PRORP: variants seen among roughly 807,000 people sequenced by gnomAD.
PRORP encodes the protein mitochondrial ribonuclease P catalytic subunit.
A neutral mutation model predicts 59.4 loss-of-function variants in PRORP; 51 were observed. The observed-to-expected ratio is 0.86, with a 90% CI of 0.69 to 1.08. The LOEUF (loss-of-function observed/expected upper bound fraction) is 1.08, where lower values mean the gene tolerates loss of function less well. Among genes scored for constraint, PRORP ranks in the 50% least tolerant of loss-of-function variants. The pLI is 0.00. For missense variants in PRORP, 646 were observed against 690.3 expected (o/e 0.94, Z 0.72); for synonymous variants, 231 against 245.6 (o/e 0.94, Z 0.55).
At chr14:35,248,454 A>G (rs1180290573) in intron 5 of PRORP, among the ~76,000 whole-genome samples, 1 of 152,170 alleles carries the variant, frequency 6.6e-6, no homozygotes, top group Admixed American at 6.5e-5. Flanking sequence ...TCTCATTTTC[A>G]TCAAGTGCTA....
intron 5 of PRORP, among the ~76,000 whole-genome samples, chr14:35,260,820 A>T (rs1453350485): frequency 6.6e-6 from 1 of 152,172 alleles, no homozygotes; most frequent in African/African-American, 2.4e-5. Flanking sequence ...TTCTTAGCCC[A>T]GTTTTTTAGA....
intron 5 of PRORP, among the ~76,000 whole-genome samples, chr14:35,210,661 T>A (rs976125106): frequency 6.7e-6 from 1 of 149,994 alleles, no homozygotes; most frequent in Admixed American, 6.8e-5. Context: ...ATTTAGATAC[T>A]AGATAAATAA....
intron 5 of PRORP, among the ~76,000 whole-genome samples, chr14:35,184,274 G>A (rs920135829): frequency 7.2e-5 from 11 of 152,004 alleles, no homozygotes; most frequent in African/African-American, 2.7e-4. Context: ...AAAAAAGAAA[G>A]TTCTAGTTGT....
chr14:35,233,964 C>G (rs1237066224), intron 5 of PRORP, among the ~76,000 whole-genome samples: 1 of 152,172 alleles, frequency 6.6e-6, no homozygotes, highest in African/African-American at 2.4e-5. Context: ...TGACTCTGCT[C>G]AGTCCTCTTA....
intron 4 of PRORP, among the ~76,000 whole-genome samples, chr14:35,173,740 T>C (rs1372680073): frequency 6.6e-6 from 1 of 152,122 alleles, no homozygotes; most frequent in Non-Finnish European, 1.5e-5. Flanking sequence ...TTCCCAAATA[T>C]AGTGGCTTTA....
chr14:35,242,537 G>A (rs2050392908), intron 5 of PRORP, among the ~76,000 whole-genome samples: 1 of 152,164 alleles, frequency 6.6e-6, no homozygotes, highest in South Asian at 2.1e-4. Context: ...TTCCCCAGAA[G>A]AGACCACTGA....
intron 4 of PRORP, among the ~76,000 whole-genome samples, chr14:35,135,957 C>CAA (rs112374315): frequency 2.9e-3 from 265 of 91,670 alleles, no homozygotes; most frequent in African/African-American, 8.6e-3. Context: ...GACTCTGTCT[C>CAA]AAAAAAAAAA....
chr14:35,182,641 C>T (rs1239957134), intron 5 of PRORP, among the ~76,000 whole-genome samples: 1 of 151,742 alleles, frequency 6.6e-6, no homozygotes, highest in Admixed American at 6.6e-5. Flanking sequence ...TGAGACTCCT[C>T]GAAAACAAAA....
chr14:35,237,189 C>T lies in PRORP; in HGVS notation c.1276-29538C>T, dbSNP rs548958220. Among the ~76,000 whole-genome samples, 3 of 151,916 alleles carry T rather than the reference C, an allele frequency of 2.0e-5. No individual in the cohort carries two copies. The South Asian group carries it at 6.2e-4, about 32-fold the overall frequency. On this transcript the variant is annotated intron_variant, in intron 5 of 7. Coordinates refer to ENST00000534898, the MANE Select transcript of PRORP (RefSeq NM_014672.4). The stretch of plus-strand genomic sequence containing the variant: ...CTCACTGCAGCCTTGACCTCCTAGG[C>T]TGAAATGATCCTCCTGCCTCTGCAT...
intron 5 of PRORP, among the ~76,000 whole-genome samples, chr14:35,210,595 A>G (rs1222089608): frequency 1.3e-5 from 2 of 151,584 alleles, no homozygotes; most frequent in Non-Finnish European, 2.9e-5. Flanking sequence ...GTTGATAAGT[A>G]TCAGTTATCT....
chr14:35,201,917 C>T (rs1007321484), intron 5 of PRORP, among the ~76,000 whole-genome samples: 3 of 151,414 alleles, frequency 2.0e-5, no homozygotes, highest in African/African-American at 7.3e-5. Flanking sequence ...TTGGGCCTCC[C>T]AAGGTGCTGG....
chr14:35,160,866 T>G (rs937973360), intron 4 of PRORP, among the ~76,000 whole-genome samples: 16 of 152,226 alleles, frequency 1.1e-4, no homozygotes, highest in Admixed American at 3.9e-4. Context: ...AAAAACATGA[T>G]TTATGAACCA....
chr14:35,239,747 C>T (rs1200901913), intron 5 of PRORP, among the ~76,000 whole-genome samples: 1 of 152,106 alleles, frequency 6.6e-6, no homozygotes, highest in Non-Finnish European at 1.5e-5. Flanking sequence ...CTAAAGAAAA[C>T]CAAGGGTCTT....
At chr14:35,129,810 G>A (rs2047192454) in intron 4 of PRORP, among the ~76,000 whole-genome samples, 1 of 151,972 alleles carries the variant, frequency 6.6e-6, no homozygotes, top group East Asian at 1.9e-4. Flanking sequence ...GTTACCATGA[G>A]GCTCACTAAT....
rs58879349 is a variant in PRORP, at chr14:35,183,494, G to C, written c.1275+2717G>C. 1.2e-3 allele frequency among the ~76,000 whole-genome samples: 189 copies of C among 152,076 alleles called. 5 individuals carry two copies. The East Asian group carries it at 0.03, about 24-fold the overall frequency. On this transcript the variant is annotated intron_variant, in intron 5 of 7. Transcript: ENST00000534898. Reference sequence around the variant, plus strand: ...ACAATAATTTTTAAATCATTTACCTGTTGTTAGACAAATGAGGCTTTCCAT... The same window carrying C: ...ACAATAATTTTTAAATCATTTACCTCTTGTTAGACAAATGAGGCTTTCCAT...
At position 35,242,674 on chromosome 14, in the gene PRORP, A is replaced by G. The variant is rs80155994; in HGVS notation, c.1276-24053A>G. 7.3e-3 allele frequency among the ~76,000 whole-genome samples: 1,106 copies of G among 152,322 alleles called. 16 individuals are homozygous for G. The highest frequency in any genetic ancestry group is 0.025 in the African/African-American group (1,049 of 41,554). On this transcript the variant is annotated intron_variant, in intron 5 of 7. Transcript: ENST00000534898. ...TTTTCATCTATCTAGCTAGCTAGCT[A>G]TATCTCACGTATTTCCAAGTGCAAT...
intron 5 of PRORP, among the ~76,000 whole-genome samples, chr14:35,216,873 T>A (rs749333980): frequency 2.6e-5 from 4 of 152,236 alleles, no homozygotes; most frequent in Non-Finnish European, 4.4e-5. Flanking sequence ...TAAGTGATTT[T>A]TGACTCGTGT....
At chr14:35,177,123 G>A (rs1453990842) in intron 4 of PRORP, among the ~76,000 whole-genome samples, 13 of 152,304 alleles carry the variant, frequency 8.5e-5, no homozygotes, top group Middle Eastern at 3.4e-3. Flanking sequence ...GCTTTTTGAT[G>A]TGCTGCTGGA....
At chr14:35,140,844 A>G (rs1328995693) in intron 4 of PRORP, among the ~76,000 whole-genome samples, 1 of 146,050 alleles carries the variant, frequency 6.8e-6, no homozygotes, top group Non-Finnish European at 1.5e-5. Context: ...GTTATTATAT[A>G]AGGTAATTTT....
Sources: gnomAD v4.1 joint callset for allele counts (sites outside exome capture counted in the v4.1 genomes callset) on GRCh38, gnomAD v4.1.1 for gene constraint, MANE v1.5 for transcripts, NCBI Gene and HGNC (gene_info 2026-07-23, HGNC 2026-07-21) for gene names.